Variants in MYT1L observed in about 807,000 individuals in gnomAD.
MYT1L encodes the protein myelin transcription factor 1-like protein.
In MYT1L, 12 loss-of-function variants were observed where a neutral mutation model predicts 126.7. That is an observed-to-expected ratio of 0.09 (90% CI 0.06 to 0.15). The LOEUF is 0.15. MYT1L is among the 10% of genes least tolerant of loss of function. The pLI is 1.00. For synonymous variants in MYT1L, 541 were observed against 604.2 expected (o/e 0.90, Z 1.53); for missense variants, 979 against 1,585.2 (o/e 0.62, Z 6.49).
Position 2,051,804 on chromosome 2 carries a change from C to T in MYT1L, c.-158+2174G>A, listed in dbSNP as rs888230395. On this transcript the variant is annotated intron_variant, in intron 4 of 24. Transcript: ENST00000647738. ...CAAACAGAAATAAGGTCATGGTACA[C>T]GCTTAAATTGCATATAGAAATTCAT... Among the ~76,000 whole-genome samples, 13 of 147,178 alleles carry T rather than the reference C, an allele frequency of 8.8e-5. No individual in the cohort carries two copies. In the East Asian group the frequency reaches 9.7e-4, roughly 11 times the overall value.
At chr2:1,905,465 T>C (rs2050928601) in intron 13 of MYT1L, among the ~76,000 whole-genome samples, 1 of 152,008 alleles carries the variant, frequency 6.6e-6, no homozygotes. Context: ...GTGATTCTCC[T>C]GCCTTAGCCT....
chr2:2,163,870 G>A (rs1045741822), intron 3 of MYT1L, among the ~76,000 whole-genome samples: 6 of 152,250 alleles, frequency 3.9e-5, no homozygotes, highest in Admixed American at 6.5e-5. Flanking sequence ...TGACAAAGAG[G>A]AAATGGGACC....
chr2:2,223,971 G>T (rs940450619), intron 2 of MYT1L, among the ~76,000 whole-genome samples: 1 of 152,172 alleles, frequency 6.6e-6, no homozygotes, highest in African/African-American at 2.4e-5. Flanking sequence ...GCTGAGGTCG[G>T]TGGGCCCTTT....
chr2:2,308,241 A>T (rs995317283), intron 1 of MYT1L, among the ~76,000 whole-genome samples: 1 of 151,570 alleles, frequency 6.6e-6, no homozygotes, highest in Non-Finnish European at 1.5e-5. Context: ...ACGCTTCGGT[A>T]TACTCTATCT....
In MYT1L at chr2:1,806,992, GA is replaced by G. The variant is rs752533220; in HGVS notation, c.3172+2083del. Among the ~76,000 whole-genome samples, 264 of 152,340 alleles carry G rather than the reference GA, an allele frequency of 1.7e-3. 3 individuals are homozygous for G. Among genetic ancestry groups the G allele is most frequent in the Non-Finnish European group, 1.9e-3 (129 of 68,032 alleles). ...CACTGCTCCGTAATAACTAGAAAGC[GA>G]AAGTTGGCTATCCTGGTGTCTCAAA... On this transcript the variant is annotated intron_variant, in intron 22 of 24. Transcript: ENST00000647738. The surrounding 1 kb of genome is among the most constrained non-coding windows in gnomAD (Gnocchi z 4.9).
At chr2:2,137,922 A>G (rs1377258408) in intron 3 of MYT1L, among the ~76,000 whole-genome samples, 1 of 152,152 alleles carries the variant, frequency 6.6e-6, no homozygotes, top group Non-Finnish European at 1.5e-5. Context: ...ATGGGAGAAA[A>G]TTTTTGCAAC....
chr2:2,033,385 C>T (rs1184750930), intron 4 of MYT1L, among the ~76,000 whole-genome samples: 1 of 150,246 alleles, frequency 6.7e-6, no homozygotes, highest in African/African-American at 2.5e-5. Context: ...TTACACATAC[C>T]CCTCGCCAGT....
intron 3 of MYT1L, among the ~76,000 whole-genome samples, chr2:2,116,499 T>A (rs2080225963): frequency 6.6e-6 from 1 of 151,924 alleles, no homozygotes; most frequent in Non-Finnish European, 1.5e-5. Flanking sequence ...ACATTTAGCT[T>A]ATCTACACAT....
intron 3 of MYT1L, among the ~76,000 whole-genome samples, chr2:2,162,608 C>A (rs564696984): frequency 2.2e-4 from 34 of 152,178 alleles, no homozygotes; most frequent in Non-Finnish European, 4.1e-4. Flanking sequence ...TGTGGCCTGG[C>A]CCAAAGCGTG....
chr2:1,979,463 G>A lies in MYT1L; in HGVS notation c.89+58C>T. On this transcript the variant is annotated intron_variant, in intron 7 of 24. Coordinates refer to ENST00000647738, the MANE Select transcript of MYT1L (RefSeq NM_001303052.2). The surrounding 1 kb of genome is among the most constrained non-coding windows in gnomAD (Gnocchi z 4.0). ...GCTGGAAGGTGCAGTGTGCCCATTA[G>A]AAGGCGTGAATTTTCCAAACTGTTA... 6.6e-7 allele frequency: 1 copy of A among 1,523,518 alleles called. No homozygotes were observed. The highest frequency in any genetic ancestry group is 1.1e-5 in the South Asian group (1 of 89,122). The allele number at this position is 1,523,518 out of a possible 1,614,324, so 94.4% of individuals were successfully genotyped here. A position where few individuals can be genotyped will look rare whatever the true frequency, so the allele number is the denominator to read the frequency against.
At chr2:2,112,535 C>A (rs550871969) in intron 3 of MYT1L, among the ~76,000 whole-genome samples, 1 of 152,258 alleles carries the variant, frequency 6.6e-6, no homozygotes, top group East Asian at 1.9e-4. Context: ...AGACTGTAGC[C>A]ACGTGGTGAC....
At chr2:1,985,354 G>A (rs183002899) in intron 5 of MYT1L, among the ~76,000 whole-genome samples, 135 of 152,342 alleles carry the variant, frequency 8.9e-4, no homozygotes, top group Non-Finnish European at 1.5e-3. Flanking sequence ...CCTGGCAGAA[G>A]GCAGTGCAGG....
intron 3 of MYT1L, among the ~76,000 whole-genome samples, chr2:2,092,341 G>A (rs929206098): frequency 1.3e-5 from 2 of 152,190 alleles, no homozygotes. Flanking sequence ...GGAACAGTCA[G>A]AACACACACA....
intron 3 of MYT1L, among the ~76,000 whole-genome samples, chr2:2,160,854 G>A (rs2087759737): frequency 6.6e-6 from 1 of 152,194 alleles, no homozygotes; most frequent in African/African-American, 2.4e-5. Context: ...AGGCCATGTA[G>A]ACCAAAGAAG....
At chr2:1,949,902 A>G (rs956954417) in intron 8 of MYT1L, among the ~76,000 whole-genome samples, 1 of 152,174 alleles carries the variant, frequency 6.6e-6, no homozygotes, top group African/African-American at 2.4e-5. Context: ...AATAGCCTCC[A>G]TTGGGTCAAT....
chr2:1,971,440 A>G (rs2059801433), intron 8 of MYT1L, among the ~76,000 whole-genome samples: 1 of 152,158 alleles, frequency 6.6e-6, no homozygotes, highest in African/African-American at 2.4e-5. Context: ...CCCAAAAGAG[A>G]AGGCTTTGGG....
chr2:1,823,734 G>A (rs561699408), intron 21 of MYT1L, among the ~76,000 whole-genome samples: 2 of 152,302 alleles, frequency 1.3e-5, no homozygotes, highest in African/African-American at 4.8e-5. Flanking sequence ...CTCCTGGCAC[G>A]AGCAGCGATG....
intron 5 of MYT1L, among the ~76,000 whole-genome samples, chr2:1,989,334 C>A (rs2061300489): frequency 6.6e-6 from 1 of 152,090 alleles, no homozygotes; most frequent in Non-Finnish European, 1.5e-5. Context: ...GCCTGGGGAA[C>A]TGGGTCATTG....
At chr2:1,991,638 T>C (rs1189167043) in intron 5 of MYT1L, among the ~76,000 whole-genome samples, 2 of 152,166 alleles carry the variant, frequency 1.3e-5, no homozygotes, top group African/African-American at 2.4e-5. Context: ...TTCTTTCCAG[T>C]GTGTCTGTCC....
Sources: gnomAD v4.1 joint callset for allele counts (sites outside exome capture counted in the v4.1 genomes callset) on GRCh38, gnomAD v4.1.1 for gene constraint, Gnocchi (gnomAD v3.1) non-coding constraint, MANE v1.5 for transcripts, NCBI Gene and HGNC (gene_info 2026-07-23, HGNC 2026-07-21) for gene names.